Variants in IGF1R observed in about 807,000 individuals in gnomAD.
IGF1R encodes the protein insulin like growth factor 1 receptor.
A neutral mutation model predicts 144.6 loss-of-function variants in IGF1R; 44 were observed. The observed-to-expected ratio is 0.30, with a 90% CI of 0.24 to 0.39. The LOEUF (loss-of-function observed/expected upper bound fraction) is 0.39, where lower values mean the gene tolerates loss of function less well. IGF1R is among the 10% of genes least tolerant of loss of function. The pLI is 1.00. For missense variants in IGF1R, 1,355 were observed against 1,833.7 expected, an observed-to-expected ratio of 0.74 and a Z score of 4.77; for synonymous variants, 795 against 722.8, an observed-to-expected ratio of 1.10 and a Z score of -1.60.
rs780928679 is a variant in IGF1R, at chr15:98,929,640, G to A, written c.2865G>A (p.Leu955=). The change falls in exon 14 of 21, where the codon CTG becomes CTA. Residue 955 remains leucine (L), a synonymous_variant. Transcript: ENST00000650285. ...LLIVGGLVIM[L]YVFHRKRNNS... is the part of the protein sequence containing the mutation. ...TCGTGGGAGGGTTGGTGATTATGCTGTACGTCTTCCATAGAAAGAGGTCAG... is the reference window on the plus strand; with the variant it reads ...TCGTGGGAGGGTTGGTGATTATGCTATACGTCTTCCATAGAAAGAGGTCAG... 8 of 1,613,338 alleles carry A rather than the reference G, an allele frequency of 5.0e-6. No homozygotes were observed. Among genetic ancestry groups the A allele is most frequent in the Non-Finnish European group, 4.2e-6 (5 of 1,179,372 alleles).
At chr15:98,878,032 C>G (rs916620832) in intron 2 of IGF1R, among the ~76,000 whole-genome samples, 2 of 152,208 alleles carry the variant, frequency 1.3e-5, no homozygotes, top group Admixed American at 1.3e-4. Context: ...ACATTTGCAG[C>G]CACAGCTGTG....
chr15:98,676,916 A>ATTTTTTTTCAATTAAAAAAAAT (rs748667443), intron 1 of IGF1R, among the ~76,000 whole-genome samples: 4 of 151,634 alleles, frequency 2.6e-5, no homozygotes, highest in Non-Finnish European at 5.9e-5. Flanking sequence ...ATATTTTTAA[A>ATTTTTTTTCAATTAAAAAAAAT]TTTTTTTTCA....
At chr15:98,934,707 A>C in intron 15 of IGF1R, 117 bp from the exon 16 acceptor site, 1 of 845,452 alleles carries the variant, frequency 1.2e-6, no homozygotes, top group Non-Finnish European at 2.0e-6. Flanking sequence ...GCCTCCTGGT[A>C]TTCTCTGTGG....
intron 1 of IGF1R, among the ~76,000 whole-genome samples, chr15:98,662,963 A>G (rs1266717833): frequency 6.6e-6 from 1 of 151,834 alleles, no homozygotes; most frequent in Non-Finnish European, 1.5e-5. Flanking sequence ...CCCGCTGAGA[A>G]GGGTGTTCTG....
chr15:98,741,117 AAT>A (rs2054729621), intron 2 of IGF1R, among the ~76,000 whole-genome samples: 1 of 152,114 alleles, frequency 6.6e-6, no homozygotes, highest in East Asian at 1.9e-4. Flanking sequence ...TGTCTTTTAG[AAT>A]GACTCTCTTG....
intron 1 of IGF1R, among the ~76,000 whole-genome samples, chr15:98,662,350 G>T (rs1252259392): frequency 6.6e-6 from 1 of 152,074 alleles, no homozygotes; most frequent in Non-Finnish European, 1.5e-5. Flanking sequence ...CAGGTCAGTT[G>T]TTGAAACCAC....
intron 2 of IGF1R, among the ~76,000 whole-genome samples, chr15:98,807,899 A>C (rs535041137): frequency 6.6e-6 from 1 of 152,254 alleles, no homozygotes; most frequent in Non-Finnish European, 1.5e-5. Flanking sequence ...TTCTGAAATC[A>C]TTTTGGTGAA....
At chr15:98,743,094 C>A (rs1024956603) in intron 2 of IGF1R, among the ~76,000 whole-genome samples, 1 of 152,076 alleles carries the variant, frequency 6.6e-6, no homozygotes, top group Non-Finnish European at 1.5e-5. Flanking sequence ...TTATTTTTTT[C>A]TTTTACTTCC....
At chr15:98,774,688 T>TA (rs1555443812) in intron 2 of IGF1R, among the ~76,000 whole-genome samples, 44 of 60,682 alleles carry the variant, frequency 7.3e-4, no homozygotes, top group Admixed American at 2.4e-3. Context: ...GCTGCGGTGG[T>TA]GGGGGGGTGG....
intron 1 of IGF1R, among the ~76,000 whole-genome samples, chr15:98,666,332 T>C (rs1174184960): frequency 6.6e-6 from 1 of 151,852 alleles, no homozygotes; most frequent in Non-Finnish European, 1.5e-5. Flanking sequence ...GCTTCCTCAA[T>C]AAATTCATCA....
In IGF1R at chr15:98,948,653, C is replaced by T. The variant is rs2151726730; in HGVS notation, c.3667C>T (p.Arg1223Cys). ...GGGCTTGTCCAACGAGCAAGTCCTT[C>T]GCTTCGTCATGGAGGGCGGCCTTCT... Reference protein sequence around the residue: ...YQGLSNEQVLRFVMEGGLLDK... With the variant: ...YQGLSNEQVLCFVMEGGLLDK... The change falls in exon 20 of 21, where the codon CGC becomes TGC. Residue 1223 changes from arginine (R) to cysteine (C), a missense_variant. Transcript: ENST00000650285. The T allele has an allele frequency of 1.9e-6, 3 of 1,614,138 alleles. No individual in the cohort carries two copies. The highest frequency in any genetic ancestry group is 2.2e-5 in the South Asian group (2 of 91,084).
At chr15:98,901,344 A>G (rs544158343) in intron 5 of IGF1R, among the ~76,000 whole-genome samples, 19 of 152,286 alleles carry the variant, frequency 1.2e-4, no homozygotes, top group African/African-American at 4.6e-4. Context: ...TGCAGCTTCT[A>G]AGAGGCTCTT....
intron 4 of IGF1R, among the ~76,000 whole-genome samples, chr15:98,898,452 A>C (rs1487032907): frequency 6.6e-6 from 1 of 152,206 alleles, no homozygotes; most frequent in African/African-American, 2.4e-5. Context: ...CCTGATCTTG[A>C]CTAAGGCATG....
intron 10 of IGF1R, 160 bp downstream of exon 10, chr15:98,917,036 G>A (rs2015285591): frequency 1.4e-6 from 1 of 722,080 alleles, no homozygotes; most frequent in Non-Finnish European, 2.5e-6. Context: ...GGTGAAGTGA[G>A]TCCCTGCGGA....
intron 2 of IGF1R, among the ~76,000 whole-genome samples, chr15:98,787,253 T>A (rs1567128993): frequency 1.3e-5 from 2 of 152,190 alleles, no homozygotes; most frequent in Admixed American, 6.5e-5. Context: ...CAGAGCAGAA[T>A]AAAGTCACTC....
intron 2 of IGF1R, among the ~76,000 whole-genome samples, chr15:98,837,896 C>G (rs1318268227): frequency 1.3e-5 from 2 of 152,224 alleles, no homozygotes; most frequent in Non-Finnish European, 2.9e-5. Flanking sequence ...GAGTGGCAGT[C>G]TGCTGGTTCC....
chr15:98,816,252 C>T (rs2056694147), intron 2 of IGF1R, among the ~76,000 whole-genome samples: 1 of 152,206 alleles, frequency 6.6e-6, no homozygotes, highest in African/African-American at 2.4e-5. Flanking sequence ...TCTGAAATTC[C>T]CATCAATAAC....
At chr15:98,820,902 G>C (rs1200042516) in intron 2 of IGF1R, 1 of 152,178 alleles carries the variant, frequency 6.6e-6, no homozygotes, top group Non-Finnish European at 1.5e-5. Flanking sequence ...CAAGGCCCCA[G>C]TTCACGGAAG....
At chr15:98,828,964 A>G (rs1255161492) in intron 2 of IGF1R, among the ~76,000 whole-genome samples, 2 of 152,094 alleles carry the variant, frequency 1.3e-5, no homozygotes, top group African/African-American at 2.4e-5. Context: ...ACTACTTTCA[A>G]GCCCTCCGAA....
Sources: gnomAD v4.1 joint callset for allele counts (sites outside exome capture counted in the v4.1 genomes callset) on GRCh38, gnomAD v4.1.1 for gene constraint, MANE v1.5 for transcripts, NCBI Gene and HGNC (gene_info 2026-07-23, HGNC 2026-07-21) for gene names.